ST18: variants seen among roughly 807,000 people sequenced by gnomAD.
ST18 encodes the protein ST18 C2H2C-type zinc finger transcription factor.
A neutral mutation model predicts 110.0 loss-of-function variants in ST18; 50 were observed. That is an observed-to-expected ratio of 0.45 (90% CI 0.36 to 0.58). The LOEUF (loss-of-function observed/expected upper bound fraction) is 0.58. ST18 is among the 20% of genes least tolerant of loss of function. The probability of loss-of-function intolerance (pLI) is 0.00; values close to 1 mark genes in which losing one functional copy is unlikely to be tolerated. For synonymous variants in ST18, 461 were observed against 452.4 expected, an observed-to-expected ratio of 1.02 and a Z score of -0.24; for missense variants, 1,306 against 1,280.1, an observed-to-expected ratio of 1.02 and a Z score of -0.31.
chr8:52,210,248 TTAAA>T, intron 8 of ST18: 1 of 404,606 alleles, frequency 2.5e-6, no homozygotes, highest in South Asian at 1.8e-5. Context: ...TATAAGAACT[TTAAA>T]TAAGAGCAAA....
chr8:52,304,649 T>C (rs2139597003), intron 2 of ST18, among the ~76,000 whole-genome samples: 1 of 152,370 alleles, frequency 6.6e-6, no homozygotes, highest in East Asian at 1.9e-4. Context: ...TTTTGCTCTT[T>C]GTTTTAGTCC....
In ST18 at chr8:52,303,702, A is replaced by G. The variant is rs569679044; in HGVS notation, c.-464-73625T>C. 5.2e-5 allele frequency among the ~76,000 whole-genome samples: 8 copies of G among 152,382 alleles called. No homozygotes were observed. The East Asian group carries it at 1.5e-3, about 29-fold the overall frequency. ...CAAACATGAAGAAACTCAAATTCAT[A>G]TGGACAGACATTCTATGAAATGATC... On this transcript the variant is annotated intron_variant, in intron 2 of 25. Transcript: ENST00000689386.
intron 2 of ST18, among the ~76,000 whole-genome samples, chr8:52,236,883 C>T (rs1437326779): frequency 6.6e-6 from 1 of 152,088 alleles, no homozygotes; most frequent in East Asian, 1.9e-4. Context: ...AATAAATGAC[C>T]TGGGAAATAC....
intron 5 of ST18, among the ~76,000 whole-genome samples, chr8:52,220,309 T>C (rs79862000): frequency 1.3e-5 from 2 of 152,326 alleles, no homozygotes; most frequent in East Asian, 3.9e-4. Context: ...TTATTACTTT[T>C]TAGTGTTTGC....
intron 2 of ST18, among the ~76,000 whole-genome samples, chr8:52,332,158 T>C (rs1809791267): frequency 6.6e-6 from 1 of 152,156 alleles, no homozygotes; most frequent in South Asian, 2.1e-4. Context: ...ACCAGTTATA[T>C]ATTAAATATT....
intron 13 of ST18, 65 bp downstream of exon 13, chr8:52,163,921 C>T (rs2062113950): frequency 1.5e-6 from 2 of 1,303,820 alleles, no homozygotes; most frequent in East Asian, 4.7e-5. Flanking sequence ...CATGAAGGAC[C>T]AGAGGCCCCG....
intron 2 of ST18, among the ~76,000 whole-genome samples, chr8:52,231,221 C>A: frequency 6.6e-6 from 1 of 152,148 alleles, no homozygotes; most frequent in East Asian, 1.9e-4. Flanking sequence ...GCTCTGCTTT[C>A]CATCCCATAA....
intron 2 of ST18, among the ~76,000 whole-genome samples, chr8:52,240,796 G>A (rs1432746527): frequency 6.6e-6 from 1 of 152,118 alleles, no homozygotes; most frequent in African/African-American, 2.4e-5. Context: ...CAACTCACAT[G>A]ATTGCTCAGT....
intron 17 of ST18, chr8:52,137,741 T>C (rs1419580423): frequency 2.4e-6 from 1 of 410,806 alleles, no homozygotes; most frequent in Non-Finnish European, 4.3e-6. Context: ...TTGATTCCAT[T>C]GATGTGGGAA....
At chr8:52,374,379 G>C (rs983840662) in intron 2 of ST18, among the ~76,000 whole-genome samples, 2 of 152,162 alleles carry the variant, frequency 1.3e-5, no homozygotes, top group Non-Finnish European at 2.9e-5. Context: ...GCAGCCGCCA[G>C]CAGTGGGAGA....
chr8:52,315,817 T>C (rs964804437), intron 2 of ST18, among the ~76,000 whole-genome samples: 17 of 152,232 alleles, frequency 1.1e-4, no homozygotes, highest in Admixed American at 2.0e-4. Context: ...TTTTCTTGGT[T>C]ATATACCTCC....
chr8:52,326,982 C>T (rs770147256), intron 2 of ST18, among the ~76,000 whole-genome samples: 2 of 152,150 alleles, frequency 1.3e-5, no homozygotes, highest in African/African-American at 4.8e-5. Context: ...AGGGAGACTG[C>T]CCACTCTCTC....
intron 2 of ST18, among the ~76,000 whole-genome samples, chr8:52,268,927 G>T (rs1176923832): frequency 1.3e-5 from 2 of 152,338 alleles, no homozygotes; most frequent in Non-Finnish European, 2.9e-5. Context: ...CTGAATGTTT[G>T]TCTCACTCTG....
At position 52,111,442 on chromosome 8, in the gene ST18, A is replaced by G. The variant is rs1270453958; in HGVS notation, c.*1756T>C. On this transcript the variant is annotated 3_prime_UTR_variant, in exon 26 of 26. Coordinates refer to ENST00000689386, the MANE Select transcript of ST18 (RefSeq NM_001352837.2). ...ATAAACACCGTTTCTACCTAAGAAC[A>G]GACAGTTCATCTTCACTAAACTAAG... 1 of 153,430 alleles carries G rather than the reference A, an allele frequency of 6.5e-6. No homozygotes were observed. Among genetic ancestry groups the G allele is most frequent in the Non-Finnish European group, 1.5e-5 (1 of 68,538 alleles). The allele number at this position is 153,430 out of a possible 1,614,324, so 9.5% of individuals were successfully genotyped here. A position where few individuals can be genotyped will look rare whatever the true frequency, so the allele number is the denominator to read the frequency against.
intron 15 of ST18, among the ~76,000 whole-genome samples, chr8:52,151,192 C>T (rs925281465): frequency 6.6e-5 from 10 of 151,954 alleles, no homozygotes; most frequent in Non-Finnish European, 5.9e-5. Context: ...CTTTAAACAA[C>T]CCCCCACTCC....
intron 16 of ST18, 123 bp from the exon 17 acceptor site, chr8:52,143,168 A>T: frequency 1.5e-6 from 1 of 653,176 alleles, no homozygotes; most frequent in Non-Finnish European, 2.7e-6. Flanking sequence ...CTTGGCTGAA[A>T]TACCTTAGAG....
At chr8:52,224,226 C>A (rs2088289825) in intron 3 of ST18, among the ~76,000 whole-genome samples, 1 of 152,160 alleles carries the variant, frequency 6.6e-6, no homozygotes, top group Non-Finnish European at 1.5e-5. Context: ...GTTTGCATAA[C>A]CACTTTTGCT....
intron 2 of ST18, among the ~76,000 whole-genome samples, chr8:52,316,756 C>A (rs560617549): frequency 3.6e-4 from 55 of 152,302 alleles, no homozygotes; most frequent in Admixed American, 5.9e-4. Context: ...ATTTGACTTT[C>A]TAGCTCAGTG....
intron 2 of ST18, among the ~76,000 whole-genome samples, chr8:52,362,684 T>C (rs1826208681): frequency 6.6e-6 from 1 of 152,216 alleles, no homozygotes; most frequent in African/African-American, 2.4e-5. Flanking sequence ...GATGCATTGC[T>C]GAGGACACAA....
Sources: gnomAD v4.1 joint callset for allele counts (sites outside exome capture counted in the v4.1 genomes callset) on GRCh38, gnomAD v4.1.1 for gene constraint, MANE v1.5 for transcripts, NCBI Gene and HGNC (gene_info 2026-07-23, HGNC 2026-07-21) for gene names.